MICOS13: variants seen among roughly 807,000 people sequenced by gnomAD.
MICOS13 encodes MICOS complex subunit MIC13.
A neutral mutation model predicts 16.1 loss-of-function variants in MICOS13; 15 were observed. That is an observed-to-expected ratio of 0.93 (90% CI 0.62 to 1.44). The LOEUF is 1.44. Among genes scored for constraint, MICOS13 ranks in the 40% most tolerant of loss-of-function variants. The pLI is 0.00. For missense variants in MICOS13, 164 were observed against 155.0 expected, an observed-to-expected ratio of 1.06 and a Z score of -0.31; for synonymous variants, 61 against 62.6, an observed-to-expected ratio of 0.97 and a Z score of 0.12.
At position 5,679,774 on chromosome 19, in the gene MICOS13, G is replaced by A. The variant is rs919517955; in HGVS notation, c.30-11C>T. ...CCCTTGATGAGGAACCTGCGGGCAG[G>A]GACGGGAGGAGCAGAAGCTCAGCGG... On this transcript the variant is annotated splice_polypyrimidine_tract_variant and intron_variant, in intron 1 of 3. Transcript: ENST00000309324. 6 of 1,586,374 alleles carry A rather than the reference G, an allele frequency of 3.8e-6. No homozygotes were observed. In the African/African-American group the frequency reaches 4.0e-5, roughly 11 times the overall value.
intron 1 of MICOS13, chr19:5,680,188 C>T: frequency 6.5e-7 from 1 of 1,537,506 alleles, no homozygotes; most frequent in East Asian, 2.4e-5. Context: ...TCCCACCTCA[C>T]AGAGAAGACA....
At position 5,678,645 on chromosome 19, in the gene MICOS13, A is replaced by G. The variant is rs762295357; in HGVS notation, c.263T>C (p.Ile88Thr). ...FPIRDSWNAG[I>T]MTVMSALSVA... is the part of the protein sequence containing the mutation. ...CGACAGAGCTGACATCACCGTCATG[A>G]TGCCTGTGGGAAAGGGACGGCCACT... Residue 88 changes from isoleucine to threonine, a missense_variant, in exon 4 of 4, where the codon ATC becomes ACC. By Grantham distance (89) the Ile-to-Thr change is moderately conservative. Coordinates refer to ENST00000309324, the MANE Select transcript of MICOS13 (RefSeq NM_205767.3). 16 of 1,525,182 alleles carry G rather than the reference A, an allele frequency of 1.0e-5. No individual in the cohort carries two copies. Among genetic ancestry groups the G allele is most frequent in the Non-Finnish European group, 1.4e-5 (16 of 1,133,808 alleles). 94.5% of individuals were successfully genotyped at this position (1,525,182 alleles called of 1,614,324 possible). A position where few individuals can be genotyped will look rare whatever the true frequency, so the allele number is the denominator to read the frequency against.
In MICOS13 at chr19:5,679,339, C is replaced by T. The variant is rs1380806286; in HGVS notation, c.259+6G>A. 1 of 1,612,634 alleles carries T rather than the reference C, an allele frequency of 6.2e-7. No individual in the cohort carries two copies. The highest frequency in any genetic ancestry group is 2.2e-5 in the East Asian group (1 of 44,858). On this transcript the variant is annotated splice_donor_region_variant and intron_variant, in intron 3 of 3. Transcript: ENST00000309324. ...TCCCTCCAAGCAAAGAAACTGGGTG[C>T]CTTACCTGCATTCCAGGAGTCACGG...
chr19:5,679,172 A>G, intron 3 of MICOS13, 173 bp downstream of exon 3: 1 of 688,018 alleles, frequency 1.5e-6, no homozygotes, highest in Non-Finnish European at 2.4e-6. Context: ...TCAGCCTCCC[A>G]AAGTGCTGGG....
intron 1 of MICOS13, chr19:5,680,210 G>C (rs2054508226): frequency 6.5e-7 from 1 of 1,540,604 alleles, no homozygotes; most frequent in East Asian, 2.4e-5. Flanking sequence ...CTGAGGCTCG[G>C]AGGCGGAGGC....
intron 1 of MICOS13, chr19:5,680,165 G>T (rs923368755): frequency 4.1e-5 from 63 of 1,536,364 alleles, no homozygotes; most frequent in Non-Finnish European, 5.5e-5. Flanking sequence ...CCAGCGGCAG[G>T]ATTCACCGGC....
intron 3 of MICOS13, 98 bp from the exon 4 acceptor site, chr19:5,678,746 G>A (rs1428114753): frequency 9.6e-6 from 6 of 628,022 alleles, no homozygotes; most frequent in Non-Finnish European, 1.3e-5. Flanking sequence ...GCGGTGGGGG[G>A]TGGGTGGGGG....
intron 1 of MICOS13, 101 bp from the exon 2 acceptor site, chr19:5,679,864 C>A: frequency 7.0e-7 from 1 of 1,431,946 alleles, no homozygotes; most frequent in Non-Finnish European, 9.3e-7. Context: ...GAGGGCTCAC[C>A]GTCCACAGGG....
In MICOS13 at chr19:5,680,147, C is replaced by A. The variant is rs74865644; in HGVS notation, c.29+311G>T. 9 of 1,536,214 alleles carry A rather than the reference C, an allele frequency of 5.9e-6. No homozygotes were observed. The East Asian group carries it at 2.2e-4, about 38-fold the overall frequency. On this transcript the variant is annotated intron_variant, in intron 1 of 3. Transcript: ENST00000309324. ...CAGCTCCGAGCACGCATTCACTTCT[C>A]ATCCACGCCAGCGGCAGGATTCACC...
chr19:5,678,691 C>T (rs1466926037), intron 3 of MICOS13, 43 bp from the exon 4 acceptor site: 3 of 1,415,532 alleles, frequency 2.1e-6, no homozygotes, highest in African/African-American at 2.9e-5. Flanking sequence ...CCCTCCCAGC[C>T]TCACCCAGCC....
chr19:5,679,116 T>G (rs1486558558), intron 3 of MICOS13: 2 of 519,038 alleles, frequency 3.9e-6, no homozygotes, highest in African/African-American at 3.9e-5. Context: ...TTCACCATGT[T>G]GCCCAGGCTG....
chr19:5,679,530 G>GA (rs1201921096), intron 2 of MICOS13, 56 bp downstream of exon 2: 3 of 1,597,170 alleles, frequency 1.9e-6, no homozygotes, highest in Non-Finnish European at 2.6e-6. Context: ...GGGCTGGAGG[G>GA]ACCTCCCAGA....
chr19:5,679,732 C>G lies in MICOS13; in HGVS notation c.61G>C (p.Ala21Pro). The change falls in exon 2 of 4, where the codon GCC becomes CCC. Residue 21 changes from alanine to proline, a missense_variant. Coordinates refer to ENST00000309324, the MANE Select transcript of MICOS13 (RefSeq NM_205767.3). Reference protein sequence around the residue: ...FLIKGSVAGGAVYLVYDQELL... With the variant: ...FLIKGSVAGGPVYLVYDQELL... ...TCCTGGTCGTACACCAGGTAGACGG[C>G]GCCCCCAGCCACACTTCCCTTGATG... 6.2e-7 allele frequency: 1 copy of G among 1,607,970 alleles called. No homozygotes were observed. The highest frequency in any genetic ancestry group is 8.5e-7 in the Non-Finnish European group (1 of 1,178,740).
intron 3 of MICOS13, 55 bp from the exon 4 acceptor site, chr19:5,678,703 C>T (rs972571925): frequency 2.8e-5 from 37 of 1,337,650 alleles, no homozygotes; most frequent in Middle Eastern, 3.8e-4. Context: ...CACCCAGCCT[C>T]CAACCCCTGG....
intron 1 of MICOS13, chr19:5,680,225 AC>A (rs771905919): frequency 3.8e-5 from 59 of 1,546,460 alleles, no homozygotes; most frequent in Middle Eastern, 3.3e-4. Flanking sequence ...GGAGGCTGAC[AC>A]CGCGAACTGA....
rs777785810 is a variant in MICOS13, at chr19:5,680,457, C to T, written c.29+1G>A. ...GGGTCCCCTCCGGCGCCCCCACGCACCTCATCAGCGACCACACCCGGGCCA... is the reference window on the plus strand; with the variant it reads ...GGGTCCCCTCCGGCGCCCCCACGCATCTCATCAGCGACCACACCCGGGCCA... On this transcript the variant is annotated splice_donor_variant, in intron 1 of 3. Transcript: ENST00000309324. LOFTEE classifies it high-confidence loss of function. 1.4e-5 allele frequency: 22 copies of T among 1,612,554 alleles called. No individual in the cohort carries two copies. The highest frequency in any genetic ancestry group is 1.8e-5 in the Non-Finnish European group (21 of 1,179,774).
chr19:5,679,173 A>G (rs1159007154), intron 3 of MICOS13, 172 bp downstream of exon 3: 14 of 688,210 alleles, frequency 2.0e-5, no homozygotes, highest in Non-Finnish European at 3.4e-5. Flanking sequence ...CAGCCTCCCA[A>G]AGTGCTGGGA....
At chr19:5,680,173 G>A (rs1368982508) in intron 1 of MICOS13, 2 of 1,536,522 alleles carry the variant, frequency 1.3e-6, no homozygotes, top group African/African-American at 1.4e-5. Context: ...AGGATTCACC[G>A]GCATTCCCAC....
intron 1 of MICOS13, 166 bp from the exon 2 acceptor site, chr19:5,679,929 G>T: frequency 1.5e-6 from 2 of 1,356,404 alleles, no homozygotes; most frequent in Non-Finnish European, 2.0e-6. Context: ...TACAGCACTC[G>T]TTTTACAACG....
Sources: gnomAD v4.1 joint callset for allele counts on GRCh38, gnomAD v4.1.1 for gene constraint, MANE v1.5 for transcripts, NCBI Gene and HGNC (gene_info 2026-07-23, HGNC 2026-07-21) for gene names.